The following CACNA2D1 variants were observed in gnomAD, a reference collection of about 807,000 sequenced individuals.
CACNA2D1 encodes voltage-dependent calcium channel subunit alpha-2/delta-1.
A neutral mutation model predicts 171.5 loss-of-function variants in CACNA2D1; 53 were observed. The observed-to-expected ratio is 0.31, with a 90% CI of 0.25 to 0.39. The LOEUF is 0.39. Among genes scored for constraint, CACNA2D1 ranks in the 10% least tolerant of loss-of-function variants. CACNA2D1 has a pLI of 1.00. For synonymous variants in CACNA2D1, 442 were observed against 443.1 expected, an observed-to-expected ratio of 1.00 and a Z score of 0.03; for missense variants, 903 against 1,299.8, an observed-to-expected ratio of 0.69 and a Z score of 4.69.
At chr7:82,222,980 C>T (rs1346577660) in intron 3 of CACNA2D1, among the ~76,000 whole-genome samples, 1 of 147,026 alleles carries the variant, frequency 6.8e-6, no homozygotes, top group African/African-American at 2.5e-5. Flanking sequence ...GTGGCATGAT[C>T]TTGGCTCACC....
At chr7:82,389,148 T>TTTTATA (rs1554537367) in intron 1 of CACNA2D1, among the ~76,000 whole-genome samples, 6 of 141,578 alleles carry the variant, frequency 4.2e-5, no homozygotes, top group African/African-American at 1.6e-4. Flanking sequence ...ATATATATAT[T>TTTTATA]TATATATATA....
chr7:82,162,560 G>A (rs920228490), intron 4 of CACNA2D1, among the ~76,000 whole-genome samples: 6 of 151,908 alleles, frequency 3.9e-5, no homozygotes, highest in Non-Finnish European at 5.9e-5. Flanking sequence ...ATCCAGTACA[G>A]ACATCCAGCT....
intron 3 of CACNA2D1, among the ~76,000 whole-genome samples, chr7:82,297,275 T>A (rs1036172397): frequency 1.3e-5 from 2 of 151,742 alleles, no homozygotes; most frequent in African/African-American, 2.4e-5. Flanking sequence ...AAAACTCACA[T>A]TAAAATGTAT....
intron 4 of CACNA2D1, among the ~76,000 whole-genome samples, chr7:82,165,589 A>G (rs1795368741): frequency 6.6e-6 from 1 of 152,038 alleles, no homozygotes; most frequent in South Asian, 2.1e-4. Context: ...CATGGCATTT[A>G]TACGTATGCA....
intron 1 of CACNA2D1, among the ~76,000 whole-genome samples, chr7:82,441,898 AAG>A (rs1428114693): frequency 6.6e-6 from 1 of 152,234 alleles, no homozygotes; most frequent in African/African-American, 2.4e-5. Context: ...ATGCCTTAAT[AAG>A]AGTAAATAAT....
In CACNA2D1 at chr7:81,973,096, A is replaced by T. The variant is rs115457037; in HGVS notation, c.2054-1232T>A. Among the ~76,000 whole-genome samples the T allele has an allele frequency of 8.0e-3, 1,216 of 152,192 alleles. 16 individuals are homozygous for T. Among genetic ancestry groups the T allele is most frequent in the African/African-American group, 0.027 (1,129 of 41,558 alleles). Reference sequence around the variant, plus strand: ...TTCCAATTTTCATGGTGTTCTGAAAAGTTATATGTTAGGAAAAACATTTCT... The same window carrying T: ...TTCCAATTTTCATGGTGTTCTGAAATGTTATATGTTAGGAAAAACATTTCT... On this transcript the variant is annotated intron_variant, in intron 25 of 38. Transcript: ENST00000356860.
At chr7:82,220,890 T>C (rs1214099923) in intron 3 of CACNA2D1, among the ~76,000 whole-genome samples, 1 of 151,500 alleles carries the variant, frequency 6.6e-6, no homozygotes, top group Non-Finnish European at 1.5e-5. Flanking sequence ...GCGATTCTCA[T>C]GCCTCAGCCT....
At chr7:82,130,193 T>C (rs981701056) in intron 5 of CACNA2D1, among the ~76,000 whole-genome samples, 6 of 152,140 alleles carry the variant, frequency 3.9e-5, no homozygotes, top group Non-Finnish European at 8.8e-5. Context: ...AAGAGTTACA[T>C]CAGCTGCTAT....
chr7:82,121,028 C>T, intron 5 of CACNA2D1, among the ~76,000 whole-genome samples: 1 of 152,068 alleles, frequency 6.6e-6, no homozygotes, highest in East Asian at 1.9e-4. Context: ...GTCTGACTCA[C>T]ACAGAGGAAA....
At chr7:82,405,514 AG>A (rs1194185462) in intron 1 of CACNA2D1, among the ~76,000 whole-genome samples, 1 of 152,194 alleles carries the variant, frequency 6.6e-6, no homozygotes, top group African/African-American at 2.4e-5. Context: ...GCTACTGAGT[AG>A]GAAAATGAAT....
At chr7:82,374,742 C>A (rs1200587593) in intron 1 of CACNA2D1, among the ~76,000 whole-genome samples, 1 of 149,304 alleles carries the variant, frequency 6.7e-6, no homozygotes, top group Middle Eastern at 3.5e-3. Flanking sequence ...CACATACCTG[C>A]TTTGAAAATT....
chr7:82,127,747 G>T (rs1177711584), intron 5 of CACNA2D1, among the ~76,000 whole-genome samples: 1 of 152,162 alleles, frequency 6.6e-6, no homozygotes, highest in Non-Finnish European at 1.5e-5. Flanking sequence ...ATGGTATCAT[G>T]ATCAGGTAAT....
At chr7:82,081,228 G>T (rs1391046886) in intron 7 of CACNA2D1, among the ~76,000 whole-genome samples, 1 of 152,156 alleles carries the variant, frequency 6.6e-6, no homozygotes, top group East Asian at 1.9e-4. Context: ...GTAAACAGGG[G>T]TGAGTCCTTC....
At chr7:82,011,639 A>G (rs1007324308) in intron 15 of CACNA2D1, among the ~76,000 whole-genome samples, 2 of 152,204 alleles carry the variant, frequency 1.3e-5, no homozygotes, top group African/African-American at 2.4e-5. Context: ...TTATATTAAT[A>G]CATGAAGAAG....
In CACNA2D1 at chr7:82,314,898, A is replaced by G. The variant is rs185250414; in HGVS notation, c.294+20237T>C. On this transcript the variant is annotated intron_variant, in intron 3 of 38. Coordinates refer to ENST00000356860, the MANE Select transcript of CACNA2D1 (RefSeq NM_000722.4). ...AGCAACCTGTGTTTTACCACCCCAT[A>G]TCATATCATATTCCAGTGTTAAAGA... is the stretch of plus-strand genomic sequence containing the variant. Among the ~76,000 whole-genome samples the G allele has an allele frequency of 9.9e-5, 15 of 151,776 alleles. No individual in the cohort carries two copies. The East Asian group carries it at 2.9e-3, about 29-fold the overall frequency.
intron 1 of CACNA2D1, among the ~76,000 whole-genome samples, chr7:82,428,118 C>A (rs912938617): frequency 8.6e-5 from 13 of 150,988 alleles, no homozygotes; most frequent in African/African-American, 1.5e-4. Flanking sequence ...AAAAAAAAAA[C>A]AAACAAAAAA....
intron 10 of CACNA2D1, among the ~76,000 whole-genome samples, chr7:82,060,167 T>TATATA (rs1806502007): frequency 1.6e-4 from 2 of 12,622 alleles, no homozygotes; most frequent in Non-Finnish European, 4.1e-4. Context: ...ATATATATAA[T>TATATA]ATATATATAT....
intron 5 of CACNA2D1, among the ~76,000 whole-genome samples, chr7:82,126,353 ATT>A (rs1417995850): frequency 6.6e-6 from 1 of 152,186 alleles, no homozygotes; most frequent in East Asian, 1.9e-4. Context: ...GAAATAAAAC[ATT>A]GTCTCTATCT....
intron 3 of CACNA2D1, among the ~76,000 whole-genome samples, chr7:82,299,060 C>CAA (rs11438533): frequency 0.016 from 1,817 of 111,692 alleles, 20 homozygotes; most frequent in Non-Finnish European, 0.025. Flanking sequence ...GAGACTCTGT[C>CAA]AAAAAAAAAA....
Sources: allele counts gnomAD v4.1 joint callset (sites outside exome capture counted in the v4.1 genomes callset), GRCh38; gene constraint gnomAD v4.1.1; transcripts MANE v1.5; gene names NCBI Gene and HGNC (gene_info 2026-07-23, HGNC 2026-07-21).